RAB27A: variants seen among roughly 807,000 people sequenced by gnomAD.
The protein encoded by RAB27A is ras-related protein Rab-27A.
Under a neutral mutation model 20.8 loss-of-function variants are expected in RAB27A, and 17 were observed. The observed-to-expected ratio is 0.82, with a 90% CI of 0.56 to 1.23. The LOEUF is 1.23. Among genes scored for constraint, RAB27A ranks in the 50% most tolerant of loss-of-function variants. The pLI is 0.00. For synonymous variants in RAB27A, 85 were observed against 92.8 expected, an observed-to-expected ratio of 0.92 and a Z score of 0.48; for missense variants, 277 against 266.7, an observed-to-expected ratio of 1.04 and a Z score of -0.27.
intron 2 of RAB27A, among the ~76,000 whole-genome samples, chr15:55,242,155 T>TACGA (rs1896519380): frequency 6.6e-6 from 1 of 152,102 alleles, no homozygotes; most frequent in Non-Finnish European, 1.5e-5. Flanking sequence ...GAAAGCCAAA[T>TACGA]TTTCCCTCTA....
intron 2 of RAB27A, among the ~76,000 whole-genome samples, chr15:55,301,488 T>A: frequency 7.0e-6 from 1 of 142,156 alleles, no homozygotes; most frequent in East Asian, 1.9e-4. Flanking sequence ...ATTCAGTGGT[T>A]TGCATGCAGT....
At chr15:55,206,857 C>T (rs1041232123) in intron 6 of RAB27A, among the ~76,000 whole-genome samples, 5 of 151,638 alleles carry the variant, frequency 3.3e-5, no homozygotes, top group Admixed American at 3.3e-4. Flanking sequence ...ACTTTGGTGC[C>T]ACAACATATA....
chr15:55,221,486 T>C (rs1895567214), intron 6 of RAB27A, among the ~76,000 whole-genome samples: 1 of 152,138 alleles, frequency 6.6e-6, no homozygotes, highest in South Asian at 2.1e-4. Context: ...CAGGGGGACA[T>C]TTCAGACTGG....
chr15:55,271,124 C>T (rs1897693099), intron 1 of RAB27A, among the ~76,000 whole-genome samples: 1 of 152,192 alleles, frequency 6.6e-6, no homozygotes, highest in African/African-American at 2.4e-5. Flanking sequence ...CCATCCTCCA[C>T]ACCACACCCA....
chr15:55,260,913 C>T (rs1402271536), intron 2 of RAB27A, among the ~76,000 whole-genome samples: 2 of 151,448 alleles, frequency 1.3e-5, no homozygotes, highest in African/African-American at 4.9e-5. Flanking sequence ...GAGTGAACTC[C>T]AATCTAAACT....
intron 1 of RAB27A, among the ~76,000 whole-genome samples, chr15:55,272,203 C>A (rs776262458): frequency 2.0e-5 from 3 of 152,078 alleles, no homozygotes; most frequent in Non-Finnish European, 4.4e-5. Context: ...TCGAGACCAT[C>A]CTGGCTAACA....
intron 6 of RAB27A, among the ~76,000 whole-genome samples, chr15:55,217,909 T>C (rs1406401884): frequency 2.0e-5 from 3 of 152,124 alleles, no homozygotes; most frequent in Non-Finnish European, 2.9e-5. Context: ...TTTCCAAAAA[T>C]AGATTAATCA....
chr15:55,255,621 A>G (rs752754123), intron 2 of RAB27A, among the ~76,000 whole-genome samples: 3 of 152,208 alleles, frequency 2.0e-5, no homozygotes, highest in Admixed American at 6.5e-5. Context: ...CTCCACTGAT[A>G]GCTGTGCTTT....
exon 1 of RAB27A, chr15:55,319,094 A>G: frequency 1.2e-6 from 1 of 863,950 alleles, no homozygotes; most frequent in Non-Finnish European, 1.7e-6. Flanking sequence ...AGGAAACCGC[A>G]AGGAGGCCAC....
At chr15:55,209,931 TG>T (rs1894887526) in intron 6 of RAB27A, among the ~76,000 whole-genome samples, 2 of 119,066 alleles carry the variant, frequency 1.7e-5, no homozygotes, top group Non-Finnish European at 3.4e-5. Context: ...CACACATATA[TG>T]TATGTACATG....
At chr15:55,315,718 C>A (rs2055040301) in intron 1 of RAB27A, among the ~76,000 whole-genome samples, 1 of 152,164 alleles carries the variant, frequency 6.6e-6, no homozygotes, top group Admixed American at 6.5e-5. Context: ...CATCTCATGC[C>A]AGTTAGAATG....
upstream of RAB27A, among the ~76,000 whole-genome samples, chr15:55,292,210 G>A (rs144464164): frequency 6.6e-6 from 1 of 152,196 alleles, no homozygotes; most frequent in Admixed American, 6.5e-5. Context: ...CTATGAGTCA[G>A]CCAATATGCT....
intron 6 of RAB27A, among the ~76,000 whole-genome samples, chr15:55,220,515 C>G (rs1895520201): frequency 6.6e-6 from 1 of 152,322 alleles, no homozygotes; most frequent in Middle Eastern, 3.4e-3. Flanking sequence ...CGGTGATCCA[C>G]CTGCCTTGGC....
intron 3 of RAB27A, among the ~76,000 whole-genome samples, chr15:55,234,441 C>T (rs1052726511): frequency 5.9e-5 from 9 of 152,074 alleles, no homozygotes; most frequent in Non-Finnish European, 1.2e-4. Context: ...GAAGACACAG[C>T]CCATAAAACA....
intron 5 of RAB27A, among the ~76,000 whole-genome samples, chr15:55,227,026 G>A (rs1356636968): frequency 9.9e-5 from 15 of 152,036 alleles, no homozygotes; most frequent in Admixed American, 7.9e-4. Context: ...ACACCTTTTT[G>A]TTTAAATGGT....
intron 6 of RAB27A, among the ~76,000 whole-genome samples, chr15:55,208,137 A>G (rs28699327): frequency 0.27 from 40,976 of 152,108 alleles, 7,206 homozygotes; most frequent in African/African-American, 0.5. Context: ...CAATAAGCGC[A>G]TGAATAGTGA....
chr15:55,268,593 C>T (rs1320913170), intron 2 of RAB27A, among the ~76,000 whole-genome samples: 1 of 152,096 alleles, frequency 6.6e-6, no homozygotes, highest in Non-Finnish European at 1.5e-5. Context: ...TCAATGGAAG[C>T]AATAAGTAAA....
At chr15:55,208,510 C>T (rs1176364362) in intron 6 of RAB27A, among the ~76,000 whole-genome samples, 1 of 152,214 alleles carries the variant, frequency 6.6e-6, no homozygotes, top group Non-Finnish European at 1.5e-5. Context: ...CCATCCTCCA[C>T]ATGTCAGCTT....
At chr15:55,226,882 A>AG (rs1480077914) in intron 5 of RAB27A, among the ~76,000 whole-genome samples, 1 of 151,938 alleles carries the variant, frequency 6.6e-6, no homozygotes, top group Non-Finnish European at 1.5e-5. Flanking sequence ...AAAAAAAAAA[A>AG]AAAGATAAGA....
Sources: allele counts gnomAD v4.1 joint callset (sites outside exome capture counted in the v4.1 genomes callset), GRCh38; gene constraint gnomAD v4.1.1; transcripts MANE v1.5; gene names NCBI Gene and HGNC (gene_info 2026-07-23, HGNC 2026-07-21).